The following FGF10 variants were observed in gnomAD, a reference collection of about 807,000 sequenced individuals.
The protein encoded by FGF10 is FGF-10.
A neutral mutation model predicts 19.8 loss-of-function variants in FGF10; 2 were observed. The ratio of observed to expected loss-of-function variants is 0.10; its 90% CI spans 0.04 to 0.32. The LOEUF is 0.32. FGF10 is among the 10% of genes least tolerant of loss of function. The probability of loss-of-function intolerance (pLI) is 1.00; values close to 1 mark genes in which losing one functional copy is unlikely to be tolerated. For missense variants in FGF10, 191 were observed against 246.3 expected (o/e 0.78, Z 1.50); for synonymous variants, 112 against 94.0 (o/e 1.19, Z -1.10).
At chr5:44,347,603 T>G (rs2111809232) in intron 1 of FGF10, among the ~76,000 whole-genome samples, 1 of 151,814 alleles carries the variant, frequency 6.6e-6, no homozygotes, top group Non-Finnish European at 1.5e-5. Flanking sequence ...AATCACTCTT[T>G]TTTGGGGGGC....
chr5:44,307,174 T>C (rs1740098702), intron 2 of FGF10, among the ~76,000 whole-genome samples: 1 of 152,192 alleles, frequency 6.6e-6, no homozygotes, highest in Non-Finnish European at 1.5e-5. Flanking sequence ...GAAGTGCACA[T>C]GTATCAGCCT....
chr5:44,329,579 C>T lies in FGF10; in HGVS notation c.326-19049G>A, dbSNP rs574912984. On this transcript the variant is annotated intron_variant, in intron 1 of 2. Transcript: ENST00000264664. ...CTATCTGCTATTTCATCAACACCTCCAACCTAAACTAGAACGCATATTCAC... is the reference window on the plus strand; with the variant it reads ...CTATCTGCTATTTCATCAACACCTCTAACCTAAACTAGAACGCATATTCAC... 2.0e-5 allele frequency among the ~76,000 whole-genome samples: 3 copies of T among 152,160 alleles called. No individual in the cohort carries two copies. The South Asian group carries it at 6.2e-4, about 32-fold the overall frequency.
chr5:44,334,592 A>G (rs549711840), intron 1 of FGF10, among the ~76,000 whole-genome samples: 2 of 152,264 alleles, frequency 1.3e-5, no homozygotes, highest in East Asian at 3.9e-4. Flanking sequence ...GAATGTCAGT[A>G]ATTTGGATTG....
At chr5:44,348,420 A>G (rs182496261) in intron 1 of FGF10, among the ~76,000 whole-genome samples, 1 of 151,700 alleles carries the variant, frequency 6.6e-6, no homozygotes, top group East Asian at 1.9e-4. Context: ...AGAACTAGGG[A>G]CAGAAGAAAG....
In FGF10 at chr5:44,368,629, C is replaced by G. The variant is rs961791947; in HGVS notation, c.325+19729G>C. ...GAAAAAATATTTTTAAAAATCTGTA[C>G]AGAAGAAAAATGCGTCAGTGTGTAT... On this transcript the variant is annotated intron_variant, in intron 1 of 2. Coordinates refer to ENST00000264664, the MANE Select transcript of FGF10 (RefSeq NM_004465.2). 1.8e-4 allele frequency among the ~76,000 whole-genome samples: 27 copies of G among 152,074 alleles called. 1 individual carries two copies. The highest frequency in any genetic ancestry group is 3.4e-3 in the Middle Eastern group (1 of 294).
rs1277358250 is a variant in FGF10 at position 44,388,994 on chromosome 5, C to T, written c.-312G>A. On this transcript the variant is annotated 5_prime_UTR_variant, in exon 1 of 3. Coordinates refer to ENST00000264664, the MANE Select transcript of FGF10 (RefSeq NM_004465.2). Reference sequence around the variant, plus strand: ...TGTTGGTCACCAGCGCTCTTCGCTCCCCCAGGAGTTACTTTGTTCTCTTCT... The same window carrying T: ...TGTTGGTCACCAGCGCTCTTCGCTCTCCCAGGAGTTACTTTGTTCTCTTCT... The T allele has an allele frequency of 4.7e-5, 24 of 508,496 alleles. No homozygotes were observed. Among genetic ancestry groups the T allele is most frequent in the Non-Finnish European group, 7.5e-5 (21 of 278,734 alleles). 31.5% of individuals were successfully genotyped at this position (508,496 alleles called of 1,614,324 possible).
At chr5:44,364,141 GA>G (rs1375299418) in intron 1 of FGF10, among the ~76,000 whole-genome samples, 1 of 151,544 alleles carries the variant, frequency 6.6e-6, no homozygotes, top group Admixed American at 6.6e-5. Flanking sequence ...AAATTTCTAA[GA>G]AAAAAAGAAA....
chr5:44,365,374 G>A (rs1174888792), intron 1 of FGF10, among the ~76,000 whole-genome samples: 2 of 147,370 alleles, frequency 1.4e-5, no homozygotes, highest in Non-Finnish European at 3.0e-5. Flanking sequence ...AAAGAGAGAG[G>A]TAAAAAGCTC....
chr5:44,305,618 C>T (rs1740058407), intron 2 of FGF10, among the ~76,000 whole-genome samples: 1 of 152,078 alleles, frequency 6.6e-6, no homozygotes, highest in Non-Finnish European at 1.5e-5. Flanking sequence ...AAGATATGGG[C>T]TTGTCAAGTT....
chr5:44,331,270 G>T (rs1740730704), intron 1 of FGF10, among the ~76,000 whole-genome samples: 1 of 151,914 alleles, frequency 6.6e-6, no homozygotes, highest in Non-Finnish European at 1.5e-5. Flanking sequence ...ACTCCACCAA[G>T]ACTTTGCTTA....
intron 1 of FGF10, among the ~76,000 whole-genome samples, chr5:44,357,346 T>C (rs1741372784): frequency 1.3e-5 from 2 of 151,458 alleles, no homozygotes; most frequent in South Asian, 4.1e-4. Context: ...AGAAGTTATC[T>C]TGTAGTTTTG....
At chr5:44,315,974 T>A (rs1004077151) in intron 1 of FGF10, among the ~76,000 whole-genome samples, 1 of 152,174 alleles carries the variant, frequency 6.6e-6, no homozygotes, top group Non-Finnish European at 1.5e-5. Flanking sequence ...ATATTGGAAC[T>A]GGGCCACACA....
chr5:44,362,748 C>A (rs1741521372), intron 1 of FGF10, among the ~76,000 whole-genome samples: 1 of 151,462 alleles, frequency 6.6e-6, no homozygotes, highest in African/African-American at 2.4e-5. Flanking sequence ...ATATCCTTTA[C>A]CCTCTGCTAA....
intron 1 of FGF10, among the ~76,000 whole-genome samples, chr5:44,319,444 T>C (rs1303708906): frequency 1.3e-5 from 2 of 152,174 alleles, no homozygotes; most frequent in African/African-American, 4.8e-5. Flanking sequence ...AGAGCACATC[T>C]TGATATTGGG....
intron 1 of FGF10, among the ~76,000 whole-genome samples, chr5:44,337,499 C>A (rs916726503): frequency 6.6e-6 from 1 of 152,186 alleles, no homozygotes; most frequent in Non-Finnish European, 1.5e-5. Context: ...GATGATAGAA[C>A]TGCCTAGCTA....
chr5:44,383,945 C>G (rs12109293), intron 1 of FGF10, among the ~76,000 whole-genome samples: 4,311 of 152,098 alleles, frequency 0.028, 205 homozygotes, highest in African/African-American at 0.096. Context: ...CATTTAGCTT[C>G]CTACAATAAG....
At chr5:44,370,464 C>A (rs1043489945) in intron 1 of FGF10, among the ~76,000 whole-genome samples, 2 of 152,094 alleles carry the variant, frequency 1.3e-5, no homozygotes, top group African/African-American at 4.8e-5. Flanking sequence ...GGTCACATTT[C>A]TTATCTCGTT....
chr5:44,378,588 C>T lies in FGF10; in HGVS notation c.325+9770G>A, dbSNP rs530645708. Among the ~76,000 whole-genome samples the T allele has an allele frequency of 6.0e-4, 91 of 152,258 alleles. 1 individual carries two copies. In the Middle Eastern group the frequency reaches 0.01, roughly 17 times the overall value. On this transcript the variant is annotated intron_variant, in intron 1 of 2. Transcript: ENST00000264664. The stretch of plus-strand genomic sequence containing the variant: ...CTGGGACCACAGGCGCCCGCCACCG[C>T]GCCCGGCTAATTTTTTGTATTTTTA...
chr5:44,355,002 A>T (rs1741315148), intron 1 of FGF10, among the ~76,000 whole-genome samples: 1 of 151,512 alleles, frequency 6.6e-6, no homozygotes, highest in Non-Finnish European at 1.5e-5. Flanking sequence ...GTTGATGTAA[A>T]CACAGAGCTT....
Sources: gnomAD v4.1 joint callset for allele counts (sites outside exome capture counted in the v4.1 genomes callset) on GRCh38, gnomAD v4.1.1 for gene constraint, MANE v1.5 for transcripts, NCBI Gene and HGNC (gene_info 2026-07-23, HGNC 2026-07-21) for gene names.